CYSLTR1: variants seen among roughly 807,000 people sequenced by gnomAD.
The protein encoded by CYSLTR1 is cysteinyl leukotriene receptor 1, also known as G-protein coupled receptor HG55.
Under a neutral mutation model 2.1 loss-of-function variants are expected in CYSLTR1, and 1 was observed. The ratio of observed to expected loss-of-function variants is 0.48; its 90% CI spans 0.17 to 2.28. The LOEUF (loss-of-function observed/expected upper bound fraction) is 2.28, where lower values mean the gene tolerates loss of function less well. Among genes scored for constraint, CYSLTR1 ranks in the 30% most tolerant of loss-of-function variants. The pLI, the probability that CYSLTR1 is intolerant of heterozygous loss-of-function variation, is 0.26. For missense variants in CYSLTR1, 299 were observed against 250.1 expected, an observed-to-expected ratio of 1.20 and a Z score of -1.32; for synonymous variants, 110 against 89.6, an observed-to-expected ratio of 1.23 and a Z score of -1.28.
chrX:78,319,254 TCCCTCCC>T (rs1923543547), intron 1 of CYSLTR1: 2 of 73,256 alleles, frequency 2.7e-5, no homozygotes, highest in Non-Finnish European at 5.1e-5. Flanking sequence ...CTTAATGCTA[TCCCTCCC>T]CCCTCCCCCC....
chrX:78,298,647 A>G (rs1922679652), intron 1 of CYSLTR1, among the ~76,000 whole-genome samples: 1 of 111,074 alleles, frequency 9.0e-6, no homozygotes, highest in African/African-American at 3.3e-5. Flanking sequence ...TGTCTTTTAT[A>G]TTTTTGGGTT....
At chrX:78,280,099 TC>T (rs2149183472) in intron 2 of CYSLTR1, among the ~76,000 whole-genome samples, 1 of 109,956 alleles carries the variant, frequency 9.1e-6, no homozygotes, top group Non-Finnish European at 1.9e-5. Context: ...CCCTGAATCC[TC>T]CCCACCCCCC....
chrX:78,281,719 C>T (rs1250398396), intron 2 of CYSLTR1, among the ~76,000 whole-genome samples: 1 of 111,512 alleles, frequency 9.0e-6, no homozygotes, highest in Non-Finnish European at 1.9e-5. Flanking sequence ...TAACTACAGC[C>T]ACCATACTGT....
At chrX:78,316,407 C>T (rs1271336887) in intron 1 of CYSLTR1, among the ~76,000 whole-genome samples, 1 of 112,579 alleles carries the variant, frequency 8.9e-6, no homozygotes, top group African/African-American at 3.2e-5. Flanking sequence ...ACAGCTGACA[C>T]TGTGGGCAGA....
chrX:78,276,377 A>C (rs186023102), intron 2 of CYSLTR1, among the ~76,000 whole-genome samples: 1 of 111,393 alleles, frequency 9.0e-6, no homozygotes, highest in East Asian at 2.8e-4. Context: ...TTGGCCTTTT[A>C]CACAACTCCT....
chrX:78,285,089 C>A (rs1006460496), intron 1 of CYSLTR1, among the ~76,000 whole-genome samples: 1 of 110,949 alleles, frequency 9.0e-6, no homozygotes, highest in Admixed American at 9.6e-5. Flanking sequence ...TAGCTTGTCC[C>A]GGGTCTCCGT....
intron 1 of CYSLTR1, among the ~76,000 whole-genome samples, chrX:78,294,340 C>T (rs1922484545): frequency 8.9e-6 from 1 of 112,460 alleles, no homozygotes; most frequent in South Asian, 3.7e-4. Flanking sequence ...CCTGATCCTT[C>T]CTCTGAAAGC....
At chrX:78,275,944 T>C (rs1211185496) in intron 2 of CYSLTR1, among the ~76,000 whole-genome samples, 2 of 111,968 alleles carry the variant, frequency 1.8e-5, no homozygotes, top group Admixed American at 9.4e-5. Context: ...CATATAGTTA[T>C]TTAATGATGA....
Position 78,283,133 on chromosome X carries a change from T to C in CYSLTR1, c.-28+321A>G, listed in dbSNP as rs1293321327. Reference sequence around the variant, plus strand: ...AGCATTTAATTTGTTTTTTAGAATTTACCGTGATCCCCCAATAATGTTACC... The same window carrying C: ...AGCATTTAATTTGTTTTTTAGAATTCACCGTGATCCCCCAATAATGTTACC... On this transcript the variant is annotated intron_variant, in intron 2 of 2. Transcript: ENST00000373304. Among the ~76,000 whole-genome samples the C allele has an allele frequency of 5.4e-5, 6 of 111,702 alleles. No individual in the cohort carries two copies. The Admixed American group carries it at 5.7e-4, about 11-fold the overall frequency.
chrX:78,273,817 A>G, intron 2 of CYSLTR1, 44 bp from the exon 3 acceptor site: 1 of 1,035,641 alleles, frequency 9.7e-7, no homozygotes, highest in South Asian at 2.3e-5. Context: ...TAGACCATAA[A>G]TTACAGGAAG....
At chrX:78,310,962 C>G (rs1199471478) in intron 1 of CYSLTR1, among the ~76,000 whole-genome samples, 1 of 109,617 alleles carries the variant, frequency 9.1e-6, no homozygotes, top group African/African-American at 3.3e-5. Flanking sequence ...AAAAGAAATG[C>G]AGAAAGTATA....
chrX:78,317,562 A>C (rs1218107323), intron 1 of CYSLTR1, among the ~76,000 whole-genome samples: 1 of 112,560 alleles, frequency 8.9e-6, no homozygotes, highest in Non-Finnish European at 1.9e-5. Flanking sequence ...CACACTTGCA[A>C]AAATATGGAA....
chrX:78,313,111 C>A (rs1254098859), intron 1 of CYSLTR1, among the ~76,000 whole-genome samples: 2 of 112,109 alleles, frequency 1.8e-5, no homozygotes, highest in Non-Finnish European at 3.8e-5. Context: ...TACATATATA[C>A]CATGAAGTAC....
At chrX:78,276,878 G>A (rs1921615402) in intron 2 of CYSLTR1, among the ~76,000 whole-genome samples, 1 of 110,739 alleles carries the variant, frequency 9.0e-6, no homozygotes. Flanking sequence ...CTGCACAGGG[G>A]TACCAAGTAC....
chrX:78,308,704 G>T lies in CYSLTR1; in HGVS notation c.-115+18601C>A, dbSNP rs546675678. Among the ~76,000 whole-genome samples the T allele has an allele frequency of 9.8e-5, 11 of 111,884 alleles. No individual in the cohort carries two copies. The South Asian group carries it at 4.1e-3, about 41-fold the overall frequency. ...CATTCATTCAAAAATATTTTTCTAA[G>T]CCTCTATTATGTCCATTTATGTACT... On this transcript the variant is annotated intron_variant, in intron 1 of 2. Transcript: ENST00000373304.
At chrX:78,310,899 C>A (rs1015649628) in intron 1 of CYSLTR1, among the ~76,000 whole-genome samples, 2 of 106,609 alleles carry the variant, frequency 1.9e-5, no homozygotes, top group African/African-American at 6.8e-5. Flanking sequence ...GGTGTGTGGG[C>A]GTGTGTGTGT....
intron 1 of CYSLTR1, among the ~76,000 whole-genome samples, chrX:78,292,798 G>GTTT (rs781461267): frequency 3.3e-5 from 3 of 91,614 alleles, no homozygotes; most frequent in African/African-American, 1.2e-4. Flanking sequence ...AACCCCTGCT[G>GTTT]TTTTTTTTTT....
chrX:78,312,918 A>G (rs1024284801), intron 1 of CYSLTR1, among the ~76,000 whole-genome samples: 1 of 112,100 alleles, frequency 8.9e-6, no homozygotes, highest in South Asian at 3.7e-4. Flanking sequence ...ATTTGTTGAA[A>G]AACTTTAAAT....
intron 1 of CYSLTR1, among the ~76,000 whole-genome samples, chrX:78,297,751 ATTT>A (rs1922635500): frequency 9.0e-6 from 1 of 110,902 alleles, no homozygotes; most frequent in Non-Finnish European, 1.9e-5. Context: ...TTGTGATTTT[ATTT>A]ATTTGGATCT....
Sources: allele counts gnomAD v4.1 joint callset (sites outside exome capture counted in the v4.1 genomes callset), GRCh38; gene constraint gnomAD v4.1.1; transcripts MANE v1.5; gene names NCBI Gene and HGNC (gene_info 2026-07-23, HGNC 2026-07-21).